Variants in GPR158 observed in about 807,000 individuals in gnomAD.
GPR158 encodes the protein metabotropic glycine receptor.
Under a neutral mutation model 78.2 loss-of-function variants are expected in GPR158, and 30 were observed. The ratio of observed to expected loss-of-function variants is 0.38; its 90% confidence interval spans 0.29 to 0.52. GPR158 has a LOEUF of 0.52. Among genes scored for constraint, GPR158 ranks in the 20% least tolerant of loss-of-function variants. GPR158 has a pLI of 0.83. For synonymous variants in GPR158, 581 were observed against 591.1 expected (o/e 0.98, Z 0.25); for missense variants, 1,463 against 1,523.5 (o/e 0.96, Z 0.66).
At chr10:25,422,174 T>C (rs2130562287) in intron 4 of GPR158, among the ~76,000 whole-genome samples, 1 of 152,296 alleles carries the variant, frequency 6.6e-6, no homozygotes, top group Non-Finnish European at 1.5e-5. Context: ...TGTCTTTTTG[T>C]CCAAAAGCCC....
chr10:25,598,751 T>C lies in GPR158; in HGVS notation c.3125T>C (p.Phe1042Ser). Residue 1042 changes from phenylalanine (F) to serine (S), a missense_variant, in exon 11 of 11, where the codon TTT becomes TCT. Phe to Ser is a radical substitution (Grantham distance 155). Transcript: ENST00000376351. ...VASEMEKNPT[F>S]SLKEKSHHKP... is the part of the protein sequence containing the mutation. Reference sequence around the variant, plus strand: ...TCTGAAATGGAGAAAAACCCCACTTTTTCCTTAAAGGAGAAATCTCACCAC... The same window carrying C: ...TCTGAAATGGAGAAAAACCCCACTTCTTCCTTAAAGGAGAAATCTCACCAC... The C allele has an allele frequency of 1.9e-6, 3 of 1,614,084 alleles. No homozygotes were observed. Among genetic ancestry groups the C allele is most frequent in the Non-Finnish European group, 1.7e-6 (2 of 1,180,000 alleles).
At chr10:25,291,417 T>C (rs576394568) in intron 2 of GPR158, among the ~76,000 whole-genome samples, 42 of 152,130 alleles carry the variant, frequency 2.8e-4, no homozygotes, top group African/African-American at 1.0e-3. Flanking sequence ...ATATTTTTAA[T>C]CCTGAAACCA....
At chr10:25,439,933 G>A (rs572447865) in intron 4 of GPR158, among the ~76,000 whole-genome samples, 2 of 152,248 alleles carry the variant, frequency 1.3e-5, no homozygotes, top group African/African-American at 2.4e-5. Context: ...GGAGCTGCAC[G>A]TTTTCTCTTT....
At chr10:25,586,390 A>ATTTTTTTTTTTTTTTTTT (rs1564498202) in intron 7 of GPR158, among the ~76,000 whole-genome samples, 1 of 130,942 alleles carries the variant, frequency 7.6e-6, no homozygotes, top group African/African-American at 2.9e-5. Flanking sequence ...GGTATGTGTG[A>ATTTTTTTTTTTTTTTTTT]ATTTTTTTTT....
In GPR158 at chr10:25,176,230, G is replaced by A; in HGVS notation, c.810G>A (p.Leu270=). 1 of 1,604,730 alleles carries A rather than the reference G, an allele frequency of 6.2e-7. No homozygotes were observed. Among genetic ancestry groups the A allele is most frequent in the Non-Finnish European group, 8.5e-7 (1 of 1,176,642 alleles). Residue 270 remains leucine (L), a synonymous_variant, in exon 1 of 11, where the codon CTG becomes CTA. Transcript: ENST00000376351. The surrounding 1 kb of genome is among the most constrained non-coding windows in gnomAD (Gnocchi z 6.3). ...KSHFKWSPPY[L]ECENGSYKPG... ...ACTTCAAGTGGTCTCCGCCTTATCT[G>A]GAGTGCGAGAACGGGAGTTACAAGC...
At chr10:25,399,768 T>C (rs960037272) in intron 3 of GPR158, among the ~76,000 whole-genome samples, 1 of 152,224 alleles carries the variant, frequency 6.6e-6, no homozygotes, top group African/African-American at 2.4e-5. Flanking sequence ...CTCAATATTT[T>C]TTTAATTTGA....
intron 7 of GPR158, among the ~76,000 whole-genome samples, chr10:25,587,837 T>C (rs1218500951): frequency 6.6e-6 from 1 of 152,246 alleles, no homozygotes; most frequent in African/African-American, 2.4e-5. Context: ...GATTGAAATA[T>C]ACTGAAACTT....
intron 2 of GPR158, among the ~76,000 whole-genome samples, chr10:25,265,800 CTT>C (rs1854038050): frequency 6.6e-6 from 1 of 152,158 alleles, no homozygotes; most frequent in Non-Finnish European, 1.5e-5. Flanking sequence ...GAAAACAAAA[CTT>C]TCTTCCTTGG....
At chr10:25,592,629 G>A (rs1314764059) in intron 8 of GPR158, among the ~76,000 whole-genome samples, 1 of 151,754 alleles carries the variant, frequency 6.6e-6, no homozygotes, top group Non-Finnish European at 1.5e-5. Flanking sequence ...CACAGTTGGT[G>A]GTTTTTTAAA....
chr10:25,262,241 T>C (rs919977889), intron 2 of GPR158, among the ~76,000 whole-genome samples: 1 of 152,174 alleles, frequency 6.6e-6, no homozygotes, highest in Non-Finnish European at 1.5e-5. Flanking sequence ...TCTGGAATGC[T>C]TTAGAGAAAA....
intron 4 of GPR158, among the ~76,000 whole-genome samples, chr10:25,428,998 AG>A (rs1479318706): frequency 6.6e-6 from 1 of 151,996 alleles, no homozygotes; most frequent in African/African-American, 2.4e-5. Flanking sequence ...GTTGGGTATA[AG>A]CAGAAAAATC....
At chr10:25,584,406 G>A (rs370958735) in intron 7 of GPR158, among the ~76,000 whole-genome samples, 94 of 152,260 alleles carry the variant, frequency 6.2e-4, no homozygotes, top group African/African-American at 2.1e-3. Context: ...TTCAGCTACA[G>A]CATATTGTTT....
At chr10:25,534,388 C>T (rs1206869519) in intron 5 of GPR158, among the ~76,000 whole-genome samples, 1 of 151,926 alleles carries the variant, frequency 6.6e-6, no homozygotes, top group Non-Finnish European at 1.5e-5. Flanking sequence ...GCCTGTAATC[C>T]CAGCACTTTG....
intron 2 of GPR158, among the ~76,000 whole-genome samples, chr10:25,386,738 G>A (rs998160314): frequency 2.0e-5 from 3 of 151,900 alleles, no homozygotes; most frequent in African/African-American, 7.3e-5. Flanking sequence ...TTGTAAATGA[G>A]ACTGTTTCTA....
chr10:25,430,970 A>C (rs10828805), intron 4 of GPR158, among the ~76,000 whole-genome samples: 94,647 of 138,086 alleles, frequency 0.69, 33,693 homozygotes, highest in Non-Finnish European at 0.79. Flanking sequence ...TTCACGTCTA[A>C]AACACCAAAA....
chr10:25,300,063 T>G (rs1854570353), intron 2 of GPR158, among the ~76,000 whole-genome samples: 1 of 152,176 alleles, frequency 6.6e-6, no homozygotes, highest in African/African-American at 2.4e-5. Flanking sequence ...CAGCCCTATA[T>G]CAGTTTTCTA....
chr10:25,333,275 T>G (rs1000903958), intron 2 of GPR158, among the ~76,000 whole-genome samples: 5 of 152,178 alleles, frequency 3.3e-5, no homozygotes, highest in African/African-American at 1.2e-4. Context: ...CATTAGAAAT[T>G]TTTACCTATT....
At chr10:25,252,549 G>A (rs1297428800) in intron 2 of GPR158, among the ~76,000 whole-genome samples, 1 of 150,544 alleles carries the variant, frequency 6.6e-6, no homozygotes, top group Non-Finnish European at 1.5e-5. Context: ...ACCCTCAGCT[G>A]CAGGTCTGTT....
At chr10:25,401,798 G>A (rs984510269) in intron 3 of GPR158, among the ~76,000 whole-genome samples, 5 of 151,918 alleles carry the variant, frequency 3.3e-5, no homozygotes, top group Admixed American at 2.0e-4. Flanking sequence ...TTCTTTGCAT[G>A]GTAGAATTAT....
Sources: gnomAD v4.1 joint callset for allele counts (sites outside exome capture counted in the v4.1 genomes callset) on GRCh38, gnomAD v4.1.1 for gene constraint, Gnocchi (gnomAD v3.1) non-coding constraint, MANE v1.5 for transcripts, NCBI Gene and HGNC (gene_info 2026-07-23, HGNC 2026-07-21) for gene names.